Variants in C6 observed in about 807,000 individuals in gnomAD.
C6 encodes complement C6, also known as complement component C6.
Under a neutral mutation model 112.9 loss-of-function variants are expected in C6, and 101 were observed. That is an observed-to-expected ratio of 0.89 (90% CI 0.76 to 1.06). The LOEUF is 1.06. Among genes scored for constraint, C6 ranks in the 50% least tolerant of loss-of-function variants. C6 has a pLI of 0.00. For missense variants in C6, 1,202 were observed against 1,104.6 expected, an observed-to-expected ratio of 1.09 and a Z score of -1.25; for synonymous variants, 431 against 384.1, an observed-to-expected ratio of 1.12 and a Z score of -1.43.
At chr5:41,185,156 G>A (rs1322953993) in intron 6 of C6, among the ~76,000 whole-genome samples, 2 of 152,108 alleles carry the variant, frequency 1.3e-5, no homozygotes, top group Non-Finnish European at 2.9e-5. Flanking sequence ...TATCTTAAGA[G>A]CAGTATTATC....
At chr5:41,162,750 T>C (rs1289002825) in intron 9 of C6, among the ~76,000 whole-genome samples, 1 of 152,184 alleles carries the variant, frequency 6.6e-6, no homozygotes, top group Non-Finnish European at 1.5e-5. Flanking sequence ...CTAGAATGAT[T>C]AGGAAATGGA....
At chr5:41,251,051 G>A (rs1369862839) in intron 1 of C6, among the ~76,000 whole-genome samples, 1 of 151,964 alleles carries the variant, frequency 6.6e-6, no homozygotes, top group Non-Finnish European at 1.5e-5. Context: ...TTTATTACTG[G>A]CCACAAATCA....
At chr5:41,186,342 C>A in intron 5 of C6, 134 bp from the exon 6 acceptor site, 1 of 956,164 alleles carries the variant, frequency 1.0e-6, no homozygotes. Flanking sequence ...TCCCCCACAC[C>A]TCCGCTTTTT....
At chr5:41,164,544 C>T (rs544249539) in intron 9 of C6, among the ~76,000 whole-genome samples, 1 of 152,230 alleles carries the variant, frequency 6.6e-6, no homozygotes, top group East Asian at 1.9e-4. Flanking sequence ...CTTCATTCTT[C>T]AGGTTTAGAA....
intron 9 of C6, among the ~76,000 whole-genome samples, chr5:41,164,159 G>A (rs1392569222): frequency 1.3e-5 from 2 of 151,232 alleles, no homozygotes; most frequent in Non-Finnish European, 2.9e-5. Flanking sequence ...AGAAAAGAAA[G>A]GAAATTAAAA....
At chr5:41,240,378 T>G (rs112286088) in intron 1 of C6, among the ~76,000 whole-genome samples, 1,530 of 152,194 alleles carry the variant, frequency 0.01, 33 homozygotes, top group African/African-American at 0.035. Context: ...CAGGTGGCTT[T>G]CTTGGGTGCC....
chr5:41,235,139 A>G (rs1431718422), intron 1 of C6, among the ~76,000 whole-genome samples: 1 of 145,638 alleles, frequency 6.9e-6, no homozygotes, highest in Non-Finnish European at 1.5e-5. Flanking sequence ...GGTTAGTTAC[A>G]TATGCATACA....
At chr5:41,228,141 T>G (rs76205201) in intron 1 of C6, among the ~76,000 whole-genome samples, 1,891 of 152,222 alleles carry the variant, frequency 0.012, 43 homozygotes, top group African/African-American at 0.043. Context: ...CTTCCATTTT[T>G]TTCAGCATTA....
intron 17 of C6, among the ~76,000 whole-genome samples, chr5:41,144,686 C>T (rs1481346932): frequency 3.9e-5 from 6 of 152,078 alleles, no homozygotes; most frequent in East Asian, 1.9e-4. Context: ...TTTCATCACC[C>T]AGGTAATAAG....
At chr5:41,196,071 A>G in intron 4 of C6, 138 bp from the exon 5 acceptor site, 4 of 982,818 alleles carry the variant, frequency 4.1e-6, no homozygotes, top group Non-Finnish European at 6.2e-6. Flanking sequence ...AGTTTTAGGG[A>G]GCACATAAAA....
intron 1 of C6, among the ~76,000 whole-genome samples, chr5:41,244,505 A>G (rs1250539728): frequency 6.6e-6 from 1 of 152,216 alleles, no homozygotes; most frequent in African/African-American, 2.4e-5. Flanking sequence ...ATACTAATAA[A>G]TACCTTGCTA....
At chr5:41,243,412 T>C (rs1215109981) in intron 1 of C6, among the ~76,000 whole-genome samples, 1 of 152,226 alleles carries the variant, frequency 6.6e-6, no homozygotes, top group African/African-American at 2.4e-5. Flanking sequence ...TACTTAGTGA[T>C]TTGTTATGTT....
intron 1 of C6, among the ~76,000 whole-genome samples, chr5:41,243,841 G>C (rs1466820091): frequency 2.0e-5 from 3 of 152,028 alleles, no homozygotes; most frequent in African/African-American, 7.2e-5. Flanking sequence ...GGAGGTGGTA[G>C]AAAAATATTC....
chr5:41,167,951 T>C (rs1365730607), intron 9 of C6, among the ~76,000 whole-genome samples: 1 of 152,162 alleles, frequency 6.6e-6, no homozygotes, highest in Non-Finnish European at 1.5e-5. Flanking sequence ...ACCATCTACA[T>C]GAATTTGTGA....
At chr5:41,221,556 A>G (rs149096464) in intron 1 of C6, among the ~76,000 whole-genome samples, 1 of 152,282 alleles carries the variant, frequency 6.6e-6, no homozygotes, top group East Asian at 1.9e-4. Flanking sequence ...TTCTTTCCTT[A>G]ATAGATTGCT....
At chr5:41,163,455 G>A (rs1254052463) in intron 9 of C6, among the ~76,000 whole-genome samples, 1 of 151,986 alleles carries the variant, frequency 6.6e-6, no homozygotes, top group African/African-American at 2.4e-5. Flanking sequence ...TGGGATTACA[G>A]GCATGCGTCA....
At chr5:41,164,852 T>C (rs141460225) in intron 9 of C6, among the ~76,000 whole-genome samples, 1 of 152,284 alleles carries the variant, frequency 6.6e-6, no homozygotes, top group Non-Finnish European at 1.5e-5. Context: ...TGAAGTATAA[T>C]ATTGACACAG....
intron 5 of C6, among the ~76,000 whole-genome samples, chr5:41,188,310 C>A (rs1749941874): frequency 6.6e-6 from 1 of 151,964 alleles, no homozygotes; most frequent in Non-Finnish European, 1.5e-5. Flanking sequence ...CCAGAACAGC[C>A]AAGAGAATCG....
At position 41,234,751 on chromosome 5, in the gene C6, T is replaced by A. The variant is rs537560716; in HGVS notation, c.-21+26443A>T. Among the ~76,000 whole-genome samples, 462 of 152,252 alleles carry A rather than the reference T, an allele frequency of 3.0e-3. 2 individuals are homozygous for A. Among genetic ancestry groups the A allele is most frequent in the African/African-American group, 0.01 (434 of 41,562 alleles). On this transcript the variant is annotated intron_variant, in intron 1 of 17. Transcript: ENST00000263413. ...CAATTAGTCATGTTCACTAGTAACT[T>A]GTTAAATCAGCTTTATAATCATGAG...
Sources: gnomAD v4.1 joint callset for allele counts (sites outside exome capture counted in the v4.1 genomes callset) on GRCh38, gnomAD v4.1.1 for gene constraint, MANE v1.5 for transcripts, NCBI Gene and HGNC (gene_info 2026-07-23, HGNC 2026-07-21) for gene names.